MAPK11: variants seen among roughly 807,000 people sequenced by gnomAD.
MAPK11 encodes the protein mitogen-activated protein kinase 11.
In MAPK11, 44 loss-of-function variants were observed where a neutral mutation model predicts 52.2. The ratio of observed to expected loss-of-function variants is 0.84; its 90% confidence interval spans 0.66 to 1.08. The LOEUF is 1.08. Among genes scored for constraint, MAPK11 ranks in the 50% least tolerant of loss-of-function variants. The pLI is 0.00. For missense variants in MAPK11, 436 were observed against 494.7 expected, an observed-to-expected ratio of 0.88 and a Z score of 1.13; for synonymous variants, 233 against 206.3, an observed-to-expected ratio of 1.13 and a Z score of -1.11.
Position 50,267,944 on chromosome 22 carries a change from G to A in MAPK11, c.122C>T (p.Ala41Val), listed in dbSNP as rs1469496709. The A allele has an allele frequency of 6.4e-7, 1 of 1,564,604 alleles. No homozygotes were observed. Among genetic ancestry groups the A allele is most frequent in the Admixed American group, 1.8e-5 (1 of 55,006 alleles). ...CTTCTGGCGCAGCCGGGCGTCGTAG[G>A]CCGAACTGGAAGGCGGGCGAGTGAG... ...GSGAYGSVCS[A>V]YDARLRQKVA... Residue 41 changes from alanine (A) to valine (V), a missense_variant, in exon 2 of 12, where the codon GCC becomes GTC. Transcript: ENST00000330651.
intron 9 of MAPK11, among the ~76,000 whole-genome samples, chr22:50,265,908 G>A (rs2065258251): frequency 7.3e-6 from 1 of 137,448 alleles, no homozygotes; most frequent in Admixed American, 7.0e-5. Context: ...CCCTGGCCAG[G>A]CACTGCTTGC....
At position 50,266,615 on chromosome 22, in the gene MAPK11, T is replaced by G. The variant is rs79192411; in HGVS notation, c.611-4A>C. The stretch of plus-strand genomic sequence containing the variant: ...CAGCCCACGGACCAGATATCCACTG[T>G]GCGAGGGCGAGGGGACCTCCATCAG... On this transcript the variant is annotated splice_polypyrimidine_tract_variant and splice_region_variant and intron_variant, in intron 7 of 11. Coordinates refer to ENST00000330651, the MANE Select transcript of MAPK11 (RefSeq NM_002751.7). 1 of 1,558,336 alleles carries G rather than the reference T, an allele frequency of 6.4e-7. No individual in the cohort carries two copies.
Position 50,267,602 on chromosome 22 carries a change from G to C in MAPK11, c.272C>G (p.Thr91Arg), listed in dbSNP as rs758226467. 8 of 1,543,772 alleles carry C rather than the reference G, an allele frequency of 5.2e-6. No homozygotes were observed. Among genetic ancestry groups the C allele is most frequent in the Non-Finnish European group, 7.0e-6 (8 of 1,145,138 alleles). Residue 91 changes from threonine to arginine, a missense_variant, in exon 3 of 12, where the codon ACG (threonine) becomes AGG (arginine). Thr to Arg is a moderately conservative substitution (Grantham distance 71, BLOSUM62 -1). Coordinates refer to ENST00000330651, the MANE Select transcript of MAPK11 (RefSeq NM_002751.7). ...ENVIGLLDVF[T>R]PATSIEDFSE... ...GAAGTCCTCGATGGACGTGGCCGGC[G>C]TGAAGACGTCCAGAAGCCCGATGAC...
chr22:50,266,584 A>G lies in MAPK11; in HGVS notation c.638T>C (p.Met213Thr). 6.6e-7 allele frequency: 1 copy of G among 1,525,062 alleles called. No individual in the cohort carries two copies. Among genetic ancestry groups the G allele is most frequent in the Non-Finnish European group, 8.8e-7 (1 of 1,137,364 alleles). The allele number at this position is 1,525,062 out of a possible 1,614,324, so 94.5% of individuals were successfully genotyped here. Residue 213 changes from methionine to threonine, a missense_variant, in exon 8 of 12, where the codon ATG becomes ACG. By Grantham distance (81) the Met-to-Thr change is moderately conservative (BLOSUM62 -1). Transcript: ENST00000330651. Reference sequence around the variant, plus strand: ...GGCCTTGCCCTGGAGCAGCTCAGCCATGATGCAGCCCACGGACCAGATATC... The same window carrying G: ...GGCCTTGCCCTGGAGCAGCTCAGCCGTGATGCAGCCCACGGACCAGATATC... ...TVDIWSVGCI[M>T]AELLQGKALF... is the part of the protein sequence containing the mutation.
rs1036838107 is a variant in MAPK11 at position 50,266,948 on chromosome 22, T to C, written c.596A>G (p.His199Arg). 1.2e-6 allele frequency: 2 copies of C among 1,610,398 alleles called. No individual in the cohort carries two copies. Among genetic ancestry groups the C allele is most frequent in the African/African-American group, 1.3e-5 (1 of 74,928 alleles). Residue 199 changes from histidine to arginine, a missense_variant, in exon 7 of 12, where the codon CAT becomes CGT. Transcript: ENST00000330651. ...TCCCCCTGCACCTGTTTGGTTGTAA[T>C]GCATCCAGTTGAGCATGATCTCAGG... ...RAPEIMLNWM[H>R]YNQTVDIWSV... is the part of the protein sequence containing the mutation.
intron 1 of MAPK11, among the ~76,000 whole-genome samples, chr22:50,268,977 G>C (rs2065287365): frequency 6.6e-6 from 1 of 152,168 alleles, no homozygotes; most frequent in South Asian, 2.1e-4. Context: ...TCAGGTGACA[G>C]GGAATTGGCA....
rs2065300200 is a variant in MAPK11 at position 50,270,377 on chromosome 22, GGGC to G, written c.-88_-86del. 3 of 349,094 alleles carry G rather than the reference GGGC, an allele frequency of 8.6e-6. No individual in the cohort carries two copies. Among genetic ancestry groups the G allele is most frequent in the Non-Finnish European group, 4.0e-6 (1 of 249,792 alleles). The allele number at this position is 349,094 out of a possible 1,614,324, so 21.6% of individuals were successfully genotyped here. ...CCGAGCCCGAGCCGAGCGGAGCGGA[GGGC>G]GGCGGAGGCGGCGGCGGCGGCGGGC... On this transcript the variant is annotated 5_prime_UTR_variant, in exon 1 of 12. Coordinates refer to ENST00000330651, the MANE Select transcript of MAPK11 (RefSeq NM_002751.7). This position sits in a 1 kb window ranked among gnomAD's most constrained non-coding sequence, Gnocchi z 6.3.
Position 50,266,942 on chromosome 22 carries a change from T to A in MAPK11, c.602A>T (p.Asn201Ile), listed in dbSNP as rs1205755012. The A allele has an allele frequency of 6.2e-7, 1 of 1,609,594 alleles. No homozygotes were observed. Among genetic ancestry groups the A allele is most frequent in the Non-Finnish European group, 8.5e-7 (1 of 1,179,662 alleles). ...PEIMLNWMHY[N>I]QTVDIWSVGC... ...AGGCCTTCCCCCTGCACCTGTTTGG[T>A]TGTAATGCATCCAGTTGAGCATGAT... Residue 201 changes from asparagine (N) to isoleucine (I), a missense_variant, in exon 7 of 12, where the codon AAC becomes ATC. Coordinates refer to ENST00000330651, the MANE Select transcript of MAPK11 (RefSeq NM_002751.7).
chr22:50,267,329 C>T, intron 4 of MAPK11, 42 bp downstream of exon 4: 1 of 1,586,936 alleles, frequency 6.3e-7, no homozygotes. Flanking sequence ...CCGGCCCGCC[C>T]GCCCCCCTGC....
intron 5 of MAPK11, 39 bp downstream of exon 5, chr22:50,267,218 C>T (rs1231785359): frequency 6.2e-7 from 1 of 1,608,852 alleles, no homozygotes; most frequent in African/African-American, 1.3e-5. Context: ...TGGGACGGAG[C>T]CCTGCTGGAC....
intron 9 of MAPK11, 59 bp from the exon 10 acceptor site, chr22:50,265,719 A>G (rs2065257085): frequency 5.4e-6 from 6 of 1,120,756 alleles, no homozygotes; most frequent in Non-Finnish European, 7.7e-6. Context: ...CTGGCCCCAA[A>G]CTGGGGCTTC....
At chr22:50,265,263 T>A in intron 11 of MAPK11, 58 bp downstream of exon 11, 1 of 1,588,464 alleles carries the variant, frequency 6.3e-7, no homozygotes, top group Non-Finnish European at 8.6e-7. Flanking sequence ...ATTTCCTGCC[T>A]CTGGGGAAAT....
chr22:50,267,789 G>A (rs1484504776), intron 2 of MAPK11, 31 bp downstream of exon 2: 2 of 1,382,610 alleles, frequency 1.4e-6, no homozygotes, highest in Non-Finnish European at 1.9e-6. Context: ...CCCCGCACGC[G>A]CCCTCCCCCC....
In MAPK11 at chr22:50,265,587, G is replaced by C; in HGVS notation, c.836C>G (p.Pro279Arg). 6.2e-7 allele frequency: 1 copy of C among 1,612,206 alleles called. No homozygotes were observed. ...TAGCCCAGGGCAGTCCTCACCCAGGGGGTTGGCTCCACGGAAGATGCTGCT... is the reference window on the plus strand; with the variant it reads ...TAGCCCAGGGCAGTCCTCACCCAGGCGGTTGGCTCCACGGAAGATGCTGCT... ...DLSSIFRGAN[P>R]LAIDLLGRML... The change falls in exon 10 of 12, where the codon CCC becomes CGC. Residue 279 changes from proline (P) to arginine (R), a missense_variant. Physicochemically the swap from Pro to Arg is moderately radical, Grantham distance 103. Coordinates refer to ENST00000330651, the MANE Select transcript of MAPK11 (RefSeq NM_002751.7).
At chr22:50,266,711 T>A in intron 7 of MAPK11, 100 bp from the exon 8 acceptor site, 1 of 1,183,508 alleles carries the variant, frequency 8.4e-7, no homozygotes, top group Non-Finnish European at 1.2e-6. Context: ...GCAGACCCCC[T>A]CCTCTGCCAT....
chr22:50,266,847 C>T, intron 7 of MAPK11, 87 bp downstream of exon 7: 2 of 1,324,640 alleles, frequency 1.5e-6, no homozygotes, highest in South Asian at 1.2e-5. Flanking sequence ...GGGGACCTTG[C>T]CTGCCCCCTA....
chr22:50,270,136 G>C lies in MAPK11; in HGVS notation c.116+41C>G, dbSNP rs776836595. The C allele has an allele frequency of 2.7e-6, 3 of 1,110,542 alleles. No homozygotes were observed. The highest frequency in any genetic ancestry group is 3.5e-6 in the Non-Finnish European group (3 of 847,846). The allele number at this position is 1,110,542 out of a possible 1,614,324, so 68.8% of individuals were successfully genotyped here. The stretch of plus-strand genomic sequence containing the variant: ...GAGGAGGGGACGCGCTCTCCGGCCC[G>C]GCCCGGCCCCCACCCAGCACCCCTT... On this transcript the variant is annotated intron_variant, in intron 1 of 11. Coordinates refer to ENST00000330651, the MANE Select transcript of MAPK11 (RefSeq NM_002751.7). The surrounding 1 kb of genome is among the most constrained non-coding windows in gnomAD (Gnocchi z 6.3).
intron 9 of MAPK11, 120 bp downstream of exon 9, chr22:50,266,106 C>G (rs1461911321): frequency 1.1e-5 from 9 of 817,418 alleles, no homozygotes; most frequent in Middle Eastern, 2.5e-4. Context: ...GCCCTAGGCT[C>G]TATCCCACCA....
Position 50,264,833 on chromosome 22 carries a change from C to CGGATCATCAAAAAA in MAPK11, c.*114_*115insTTTTTTGATGATCC. Reference sequence around the variant, plus strand: ...CTCCTGAAGGCGAGGGGTCCTAGGCCAGAAGTCTGTGACCATAGGAGTGTG... The same window carrying CGGATCATCAAAAAA: ...CTCCTGAAGGCGAGGGGTCCTAGGCCGGATCATCAAAAAAAGAAGTCTGTGACCATAGGAGTGTG... On this transcript the variant is annotated 3_prime_UTR_variant, in exon 12 of 12. Transcript: ENST00000330651. 1 of 737,848 alleles carries CGGATCATCAAAAAA rather than the reference C, an allele frequency of 1.4e-6. No individual in the cohort carries two copies. The highest frequency in any genetic ancestry group is 2.2e-6 in the Non-Finnish European group (1 of 452,654). The allele number at this position is 737,848 out of a possible 1,614,324, so 45.7% of individuals were successfully genotyped here. A position where few individuals can be genotyped will look rare whatever the true frequency, so the allele number is the denominator to read the frequency against.
Sources: gnomAD v4.1 joint callset for allele counts (sites outside exome capture counted in the v4.1 genomes callset) on GRCh38, gnomAD v4.1.1 for gene constraint, Gnocchi (gnomAD v3.1) non-coding constraint, MANE v1.5 for transcripts, NCBI Gene and HGNC (gene_info 2026-07-23, HGNC 2026-07-21) for gene names.